The following SHANK1 variants were observed in gnomAD, a reference collection of about 807,000 sequenced individuals.
SHANK1 encodes the protein SH3 and multiple ankyrin repeat domains 1, also known as SH3 and multiple ankyrin repeat domains protein 1.
Under a neutral mutation model 165.6 loss-of-function variants are expected in SHANK1, and 35 were observed. That is an observed-to-expected ratio of 0.21 (90% CI 0.16 to 0.28). The LOEUF (loss-of-function observed/expected upper bound fraction) is 0.28, where lower values mean the gene tolerates loss of function less well. Ranked by LOEUF, SHANK1 falls within the 10% of genes least tolerant of loss-of-function variation. The pLI, the probability that SHANK1 is intolerant of heterozygous loss-of-function variation, is 1.00. For synonymous variants in SHANK1, 1,428 were observed against 1,384.8 expected (o/e 1.03, Z -0.69); for missense variants, 2,681 against 3,036.4 (o/e 0.88, Z 2.75).
At position 50,703,672 on chromosome 19, in the gene SHANK1, C is replaced by G; in HGVS notation, c.1381G>C (p.Ala461Pro). The change falls in exon 11 of 24, where the codon GCC becomes CCC. Residue 461 changes from alanine to proline, a missense_variant. Ala to Pro is a conservative substitution (Grantham distance 27). Coordinates refer to ENST00000293441, the MANE Select transcript of SHANK1 (RefSeq NM_016148.5). ...FSAPGAASSG[A>P]PGPTSGSQGQ... ...TGGGACCCTGAGGTAGGGCCAGGGG[C>G]CCCAGAGGACGCGGCCCCCGGGGCG... 1 of 1,480,400 alleles carries G rather than the reference C, an allele frequency of 6.8e-7. No homozygotes were observed. The highest frequency in any genetic ancestry group is 9.0e-7 in the Non-Finnish European group (1 of 1,116,864). The allele number at this position is 1,480,400 out of a possible 1,614,324, so 91.7% of individuals were successfully genotyped here.
At chr19:50,695,484 G>T (rs1343536574) in intron 15 of SHANK1, among the ~76,000 whole-genome samples, 1 of 150,678 alleles carries the variant, frequency 6.6e-6, no homozygotes, top group Non-Finnish European at 1.5e-5. Flanking sequence ...CTTGGAGGGG[G>T]GAGGAGAAGG....
At position 50,666,992 on chromosome 19, in the gene SHANK1, C is replaced by G; in HGVS notation, c.4968G>C (p.Pro1656=). 6 of 1,573,404 alleles carry G rather than the reference C, an allele frequency of 3.8e-6. No individual in the cohort carries two copies. The highest frequency in any genetic ancestry group is 5.2e-6 in the Non-Finnish European group (6 of 1,160,124). ...GGCCAGGCTGTGGGGCAGCGGGAGCCGGTGCTGCTGGGGCAGGCGGGCCTG... is the reference window on the plus strand; with the variant it reads ...GGCCAGGCTGTGGGGCAGCGGGAGCGGGTGCTGCTGGGGCAGGCGGGCCTG... ...HPPGPPAPAA[P]APAAPQPGPD... is the part of the protein sequence containing the mutation. The change falls in exon 23 of 24, where the codon CCG becomes CCC. Residue 1656 remains proline (P), a synonymous_variant. Coordinates refer to ENST00000293441, the MANE Select transcript of SHANK1 (RefSeq NM_016148.5).
rs190874805 is a variant in SHANK1, at chr19:50,693,172, T to C, written c.1965-3893A>G. ...GCAGCTGCGTTTCATTTACATTCCC[T>C]GTGTCCTCTTGGTATTCTCCCCCTA... On this transcript the variant is annotated intron_variant, in intron 15 of 23. Transcript: ENST00000293441. Among the ~76,000 whole-genome samples, 357 of 151,384 alleles carry C rather than the reference T, an allele frequency of 2.4e-3. 1 individual carries two copies. Among genetic ancestry groups the C allele is most frequent in the African/African-American group, 8.3e-3 (341 of 41,162 alleles).
At chr19:50,711,046 C>T in intron 8 of SHANK1, 1 of 248,100 alleles carries the variant, frequency 4.0e-6, no homozygotes, top group Non-Finnish European at 7.8e-6. Flanking sequence ...GATCTGGATT[C>T]CCTGTGACTT....
Position 50,662,306 on chromosome 19 carries a change from G to C in SHANK1, c.6145C>G (p.Pro2049Ala), listed in dbSNP as rs777699564. ...PTGGAGGSAD[P>A]FAPVFVPPHP... Reference sequence around the variant, plus strand: ...GGCGGCACAAAGACTGGGGCGAAGGGGTCAGCCGAGCCTCCTGCCCCTCCA... The same window carrying C: ...GGCGGCACAAAGACTGGGGCGAAGGCGTCAGCCGAGCCTCCTGCCCCTCCA... Residue 2049 changes from proline (P) to alanine (A), a missense_variant, in exon 24 of 24, where the codon CCC becomes GCC. Pro to Ala is a conservative substitution (Grantham distance 27). Transcript: ENST00000293441. This position sits in a 1 kb window ranked among gnomAD's most constrained non-coding sequence, Gnocchi z 7.7. 1 of 1,610,240 alleles carries C rather than the reference G, an allele frequency of 6.2e-7. No homozygotes were observed. The highest frequency in any genetic ancestry group is 8.5e-7 in the Non-Finnish European group (1 of 1,177,770).
intron 6 of SHANK1, among the ~76,000 whole-genome samples, chr19:50,712,925 G>T (rs2089024404): frequency 6.6e-6 from 1 of 152,178 alleles, no homozygotes. Flanking sequence ...TACTGGCTTG[G>T]ATAGCGCAGG....
intron 21 of SHANK1, among the ~76,000 whole-genome samples, chr19:50,685,751 T>G (rs530893382): frequency 6.6e-6 from 1 of 151,932 alleles, no homozygotes; most frequent in East Asian, 1.9e-4. Flanking sequence ...AAATAAAAAT[T>G]GAAAAATAAA....
chr19:50,690,040 C>G lies in SHANK1; in HGVS notation c.1965-761G>C, dbSNP rs1986493851. On this transcript the variant is annotated intron_variant, in intron 15 of 23. Transcript: ENST00000293441. This position sits in a 1 kb window ranked among gnomAD's most constrained non-coding sequence, Gnocchi z 4.9. ...GGCCATATTTCCAAGTGTGCAGAAG[C>G]TGCACATGGCTGGTGGCCACCACAT... 2.6e-5 allele frequency among the ~76,000 whole-genome samples: 4 copies of G among 152,176 alleles called. No individual in the cohort carries two copies. Among genetic ancestry groups the G allele is most frequent in the Non-Finnish European group, 5.9e-5 (4 of 68,022 alleles).
Position 50,666,812 on chromosome 19 carries a change from G to T in SHANK1, c.5148C>A (p.Ala1716=), listed in dbSNP as rs760790394. 6 of 1,549,304 alleles carry T rather than the reference G, an allele frequency of 3.9e-6. No homozygotes were observed. The highest frequency in any genetic ancestry group is 1.4e-5 in the African/African-American group (1 of 73,164). ...GAAGCTCCGGCCCACTGGCCACACC[G>T]GCCCCAGCCCCGCCCCCACCCCCTG... The part of the protein sequence containing the change: ...GSAGGGGGAG[A]GVASGPELLD... The change falls in exon 23 of 24, where the codon GCC becomes GCA. Residue 1716 remains alanine (A), a synonymous_variant. Transcript: ENST00000293441.
Position 50,697,456 on chromosome 19 carries a change from T to C in SHANK1, c.1937+133A>G, listed in dbSNP as rs940293210. 20 of 855,056 alleles carry C rather than the reference T, an allele frequency of 2.3e-5. No homozygotes were observed. In the South Asian group the frequency reaches 2.5e-4, roughly 11 times the overall value. The allele number at this position is 855,056 out of a possible 1,614,324, so 53.0% of individuals were successfully genotyped here. ...ACTGTCTGAAGCTAATTCTGGCTTA[T>C]CCCACCCCTGGATCAAACTTGAGAA... On this transcript the variant is annotated intron_variant, in intron 14 of 23. Coordinates refer to ENST00000293441, the MANE Select transcript of SHANK1 (RefSeq NM_016148.5). The surrounding 1 kb of genome is among the most constrained non-coding windows in gnomAD (Gnocchi z 4.7).
At chr19:50,675,386 G>A (rs1985943453) in intron 21 of SHANK1, among the ~76,000 whole-genome samples, 1 of 152,184 alleles carries the variant, frequency 6.6e-6, no homozygotes, top group South Asian at 2.1e-4. Context: ...TATAGATATG[G>A]AACATTTCAT....
At position 50,714,123 on chromosome 19, in the gene SHANK1, C is replaced by T. The variant is rs562431757; in HGVS notation, c.640+59G>A. The T allele has an allele frequency of 5.1e-5, 80 of 1,559,146 alleles. No individual in the cohort carries two copies. In the South Asian group the frequency reaches 8.8e-4, roughly 17 times the overall value. ...GGAATGGATGTGAATGCAGATGGCA[C>T]CCCTGCTCCCCAGCTCTGTCCTGGC... On this transcript the variant is annotated intron_variant, in intron 5 of 23. Transcript: ENST00000293441.
Position 50,668,136 on chromosome 19 carries a change from C to A in SHANK1, c.3824G>T (p.Gly1275Val). ...GCGCAGCCGCGGGCCCGGGGCCGCC[C>A]CTGTGCCCAGCCCGCCGTCCCCGCC... ...EDGGDGGLGT[G>V]AAPGPRLRHS... The change falls in exon 23 of 24, where the codon GGG (glycine) becomes GTG (valine). Residue 1275 changes from glycine (G) to valine (V), a missense_variant. Around this residue, in one of 10 missense-constraint regions of SHANK1, gnomAD observed 1,713 missense variants for 1,630.2 expected, o/e 1.05. Coordinates refer to ENST00000293441, the MANE Select transcript of SHANK1 (RefSeq NM_016148.5). The A allele has an allele frequency of 6.8e-7, 1 of 1,471,580 alleles. No homozygotes were observed. Among genetic ancestry groups the A allele is most frequent in the Non-Finnish European group, 8.9e-7 (1 of 1,118,170 alleles). 91.2% of individuals were successfully genotyped at this position (1,471,580 alleles called of 1,614,324 possible).
At chr19:50,706,166 A>AGGAGGG (rs2088936407) in intron 8 of SHANK1, among the ~76,000 whole-genome samples, 1 of 56,302 alleles carries the variant, frequency 1.8e-5, no homozygotes. Context: ...CTCAAAAAAA[A>AGGAGGG]GGGGGGGTTG....
At chr19:50,665,614 C>T (rs572511399) in intron 23 of SHANK1, among the ~76,000 whole-genome samples, 1 of 146,918 alleles carries the variant, frequency 6.8e-6, no homozygotes, top group Admixed American at 6.8e-5. Context: ...GAAAAATTGG[C>T]CAGGCATAGT....
chr19:50,668,343 G>C lies in SHANK1; in HGVS notation c.3617C>G (p.Pro1206Arg), dbSNP rs1233412405. 7 of 1,263,102 alleles carry C rather than the reference G, an allele frequency of 5.5e-6. No homozygotes were observed. The highest frequency in any genetic ancestry group is 7.0e-6 in the Non-Finnish European group (7 of 1,005,918). The allele number at this position is 1,263,102 out of a possible 1,614,324, so 78.2% of individuals were successfully genotyped here. A position where few individuals can be genotyped will look rare whatever the true frequency, so the allele number is the denominator to read the frequency against. Residue 1206 changes from proline to arginine, a missense_variant, in exon 23 of 24, where the codon CCC becomes CGC. Physicochemically the swap from Pro to Arg is moderately radical, Grantham distance 103. Coordinates refer to ENST00000293441, the MANE Select transcript of SHANK1 (RefSeq NM_016148.5). ...CACGGGCGAGGGGGACGGGGGCACG[G>C]GTGACATGGCCGGGGCGGGGCTGGG... ...SSPSPAPAMSPVPPSPSPVPT... is the reference protein window; with the variant it reads ...SSPSPAPAMSRVPPSPSPVPT...
At chr19:50,704,304 C>G in intron 9 of SHANK1, 118 bp from the exon 10 acceptor site, 4 of 1,316,210 alleles carry the variant, frequency 3.0e-6, no homozygotes, top group Non-Finnish European at 4.4e-6. Flanking sequence ...ATGCCGCCCT[C>G]TGTCTTCTTC....
intron 22 of SHANK1, among the ~76,000 whole-genome samples, chr19:50,669,674 G>A (rs949357421): frequency 3.3e-5 from 5 of 152,052 alleles, no homozygotes; most frequent in Non-Finnish European, 4.4e-5. Context: ...TTCTTTTCAC[G>A]TATATGCGGG....
In SHANK1 at chr19:50,713,882, G is replaced by A. The variant is rs546295575; in HGVS notation, c.708C>T (p.Gly236=). The change falls in exon 6 of 24, where the codon GGC becomes GGT. Residue 236 remains glycine, a synonymous_variant. Coordinates refer to ENST00000293441, the MANE Select transcript of SHANK1 (RefSeq NM_016148.5). This position sits in a 1 kb window ranked among gnomAD's most constrained non-coding sequence, Gnocchi z 6.2. ...GGGCCCGGAAGTCAATGTGGGCCCC[G>A]CCCAGGCACAGGGTTCGAATCACCT... ...SVEVIRTLCL[G]GAHIDFRARD... 7.2e-5 allele frequency: 116 copies of A among 1,613,950 alleles called. 1 individual carries two copies. Among genetic ancestry groups the A allele is most frequent in the East Asian group, 3.6e-4 (16 of 44,872 alleles).
Sources: gnomAD v4.1 joint callset for allele counts (sites outside exome capture counted in the v4.1 genomes callset) on GRCh38, gnomAD v4.1.1 for gene constraint, gnomAD v4.1.1 regional missense constraint, Gnocchi (gnomAD v3.1) non-coding constraint, MANE v1.5 for transcripts, NCBI Gene and HGNC (gene_info 2026-07-23, HGNC 2026-07-21) for gene names.